Variants in MSH4 observed in about 807,000 individuals in gnomAD.
The protein encoded by MSH4 is mutS protein homolog 4.
In MSH4, 106 loss-of-function variants were observed where a neutral mutation model predicts 113.7. That is an observed-to-expected ratio of 0.93 (90% CI 0.80 to 1.10). The LOEUF is 1.10. Ranked by LOEUF, MSH4 falls within the 50% of genes least tolerant of loss-of-function variation. The pLI is 0.00. For synonymous variants in MSH4, 368 were observed against 380.2 expected, an observed-to-expected ratio of 0.97 and a Z score of 0.37; for missense variants, 1,061 against 1,093.7, an observed-to-expected ratio of 0.97 and a Z score of 0.42.
At chr1:75,819,523 G>A (rs374601100) in intron 6 of MSH4, among the ~76,000 whole-genome samples, 2 of 152,102 alleles carry the variant, frequency 1.3e-5, no homozygotes, top group African/African-American at 2.4e-5. Flanking sequence ...ATTGGCAATC[G>A]CCATTAGGCT....
chr1:75,884,647 C>A (rs5745496), intron 15 of MSH4, among the ~76,000 whole-genome samples: 8,041 of 152,008 alleles, frequency 0.053, 370 homozygotes, highest in African/African-American at 0.12. Context: ...ACCATACACA[C>A]ACACATAAGA....
chr1:75,871,331 T>G (rs1178881746), intron 9 of MSH4, among the ~76,000 whole-genome samples: 13 of 152,142 alleles, frequency 8.5e-5, no homozygotes, highest in Non-Finnish European at 1.8e-4. Flanking sequence ...TAATTTATGA[T>G]GAGATTTGGG....
At chr1:75,844,541 G>A (rs1557506614) in intron 7 of MSH4, among the ~76,000 whole-genome samples, 2 of 151,906 alleles carry the variant, frequency 1.3e-5, no homozygotes, top group Non-Finnish European at 2.9e-5. Flanking sequence ...TGCCAAGGCT[G>A]GTCTCAAACT....
Position 75,876,999 on chromosome 1 carries a change from A to C in MSH4, c.1369A>C (p.Arg457=). The change falls in exon 10 of 20, where the codon AGG becomes CGG. Residue 457 remains arginine, a splice_region_variant and synonymous_variant. Transcript: ENST00000263187. ...RAYYGSLEDK[R]FGIILEKIKT... ...TTACTATGGTTCCTTGGAAGACAAG[A>C]GGTCTTTGTCACTCAACCGTTAATA... 1 of 1,545,772 alleles carries C rather than the reference A, an allele frequency of 6.5e-7. No homozygotes were observed. The highest frequency in any genetic ancestry group is 1.3e-5 in the South Asian group (1 of 79,148).
chr1:75,883,085 G>A (rs1354236630), intron 14 of MSH4, among the ~76,000 whole-genome samples: 2 of 151,592 alleles, frequency 1.3e-5, no homozygotes, highest in Admixed American at 1.3e-4. Flanking sequence ...GCTCACTGCA[G>A]TCTTCACCTC....
chr1:75,814,933 C>T (rs1050158742), intron 4 of MSH4, 88 bp from the exon 5 acceptor site: 40 of 681,144 alleles, frequency 5.9e-5, no homozygotes, highest in Non-Finnish European at 9.6e-5. Flanking sequence ...AATATTTAAG[C>T]CACTTACCTA....
chr1:75,906,497 A>ATATATAATATATATACATAT, intron 19 of MSH4, among the ~76,000 whole-genome samples: 37 of 1,856 alleles, frequency 0.02, 1 homozygote, highest in Non-Finnish European at 0.058. Context: ...ATTATATATT[A>ATATATAATATATATACATAT]TATATATATA....
Position 75,881,236 on chromosome 1 carries a change from G to T in MSH4, c.1782-10G>T. The stretch of plus-strand genomic sequence containing the variant: ...AACATTATTACATGTCTTACCAAAC[G>T]TGTTTTCAGGATAGTGTGCAAACTG... On this transcript the variant is annotated splice_polypyrimidine_tract_variant and intron_variant, in intron 13 of 19. Coordinates refer to ENST00000263187, the MANE Select transcript of MSH4 (RefSeq NM_002440.4). 9.8e-7 allele frequency: 1 copy of T among 1,023,644 alleles called. No individual in the cohort carries two copies. The highest frequency in any genetic ancestry group is 1.5e-5 in the South Asian group (1 of 67,502). 63.4% of individuals were successfully genotyped at this position (1,023,644 alleles called of 1,614,324 possible). A position where few individuals can be genotyped will look rare whatever the true frequency, so the allele number is the denominator to read the frequency against.
At chr1:75,885,057 G>GTACATA (rs1440064046) in intron 15 of MSH4, among the ~76,000 whole-genome samples, 1 of 114,532 alleles carries the variant, frequency 8.7e-6, no homozygotes, top group Non-Finnish European at 1.7e-5. Context: ...GTGTGTGTGT[G>GTACATA]TGTATATATA....
At chr1:75,879,344 T>C (rs1651882000) in intron 12 of MSH4, among the ~76,000 whole-genome samples, 1 of 152,108 alleles carries the variant, frequency 6.6e-6, no homozygotes, top group African/African-American at 2.4e-5. Context: ...TTCTGGGAGC[T>C]TGGTGTAAGA....
intron 7 of MSH4, among the ~76,000 whole-genome samples, chr1:75,846,626 G>A (rs532539027): frequency 1.3e-5 from 2 of 152,256 alleles, no homozygotes; most frequent in African/African-American, 4.8e-5. Context: ...TCATCAGAAT[G>A]GCCTTTACTT....
chr1:75,896,678 A>G (rs1474410312), intron 17 of MSH4, among the ~76,000 whole-genome samples: 1 of 152,086 alleles, frequency 6.6e-6, no homozygotes, highest in Non-Finnish European at 1.5e-5. Context: ...TTTAAATTTA[A>G]TTATTATTTT....
chr1:75,884,094 C>G (rs1405634409), intron 15 of MSH4, among the ~76,000 whole-genome samples: 2 of 152,062 alleles, frequency 1.3e-5, no homozygotes, highest in Non-Finnish European at 2.9e-5. Flanking sequence ...AAAGTTGCAT[C>G]AAATATTACT....
intron 9 of MSH4, among the ~76,000 whole-genome samples, chr1:75,874,142 T>C (rs1651768654): frequency 6.6e-6 from 1 of 152,226 alleles, no homozygotes; most frequent in Non-Finnish European, 1.5e-5. Context: ...GGTATCTCAT[T>C]GTGGCTTTGA....
chr1:75,876,865 A>G, intron 9 of MSH4, 71 bp from the exon 10 acceptor site: 1 of 827,258 alleles, frequency 1.2e-6, no homozygotes, highest in Non-Finnish European at 1.8e-6. Flanking sequence ...GTATTAAACA[A>G]CTGTAAAATG....
chr1:75,867,727 C>A (rs1651618723), intron 9 of MSH4, 139 bp downstream of exon 9: 2 of 592,668 alleles, frequency 3.4e-6, no homozygotes, highest in African/African-American at 3.8e-5. Flanking sequence ...ACATACTTTA[C>A]ATACACATAC....
At chr1:75,884,130 G>A (rs1046349238) in intron 15 of MSH4, among the ~76,000 whole-genome samples, 1 of 152,030 alleles carries the variant, frequency 6.6e-6, no homozygotes, top group Non-Finnish European at 1.5e-5. Context: ...ATTATTTCTG[G>A]TTCAAAAACA....
At chr1:75,848,679 C>A (rs1651127365) in intron 8 of MSH4, among the ~76,000 whole-genome samples, 1 of 152,038 alleles carries the variant, frequency 6.6e-6, no homozygotes, top group Admixed American at 6.6e-5. Flanking sequence ...GTCAAGGCTG[C>A]AGTGAGCTGT....
intron 6 of MSH4, 49 bp downstream of exon 6, chr1:75,816,595 T>A (rs1380109793): frequency 1.5e-5 from 17 of 1,106,628 alleles, no homozygotes; most frequent in Non-Finnish European, 1.9e-5. Context: ...ATATATATAT[T>A]TTTCTATTAA....
Sources: gnomAD v4.1 joint callset for allele counts (sites outside exome capture counted in the v4.1 genomes callset) on GRCh38, gnomAD v4.1.1 for gene constraint, MANE v1.5 for transcripts, NCBI Gene and HGNC (gene_info 2026-07-23, HGNC 2026-07-21) for gene names.